MICAL2: variants seen among roughly 807,000 people sequenced by gnomAD.
MICAL2 encodes the protein microtubule associated monooxygenase, calponin and LIM domain containing 2, also known as [F-actin]-monooxygenase MICAL2.
A neutral mutation model predicts 127.3 loss-of-function variants in MICAL2; 77 were observed. That is an observed-to-expected ratio of 0.60 (90% CI 0.50 to 0.73). MICAL2 has a LOEUF of 0.73. Among genes scored for constraint, MICAL2 ranks in the 30% least tolerant of loss-of-function variants. The pLI is 0.00. For missense variants in MICAL2, 1,351 were observed against 1,434.4 expected, an observed-to-expected ratio of 0.94 and a Z score of 0.94; for synonymous variants, 570 against 551.1, an observed-to-expected ratio of 1.03 and a Z score of -0.48.
chr11:12,227,735 G>A lies in MICAL2; in HGVS notation c.1995+604G>A, dbSNP rs563956966. Among the ~76,000 whole-genome samples, 11 of 152,238 alleles carry A rather than the reference G, an allele frequency of 7.2e-5. No individual in the cohort carries two copies. The South Asian group carries it at 2.1e-3, about 29-fold the overall frequency. ...TTTCTCAACTTATAGCACCCTTAAT[G>A]TCTCTGTAATTTTTTTCATGGTGGG... On this transcript the variant is annotated intron_variant, in intron 15 of 27. Transcript: ENST00000683283.
chr11:12,230,382 C>T (rs1858079006), intron 15 of MICAL2, among the ~76,000 whole-genome samples: 1 of 152,170 alleles, frequency 6.6e-6, no homozygotes, highest in Non-Finnish European at 1.5e-5. Context: ...ATCAGTACAA[C>T]AAAACACGCA....
chr11:12,162,995 G>A (rs1590135716), intron 3 of MICAL2, among the ~76,000 whole-genome samples: 1 of 152,126 alleles, frequency 6.6e-6, no homozygotes, highest in East Asian at 1.9e-4. Context: ...CTAAGAAATA[G>A]GTCTAGGTCC....
Position 12,111,867 on chromosome 11 carries a change from G to T in MICAL2, c.-149+1141G>T, listed in dbSNP as rs116464282. On this transcript the variant is annotated intron_variant, in intron 1 of 27. Coordinates refer to ENST00000683283, the MANE Select transcript of MICAL2 (RefSeq NM_001282663.2). The stretch of plus-strand genomic sequence containing the variant: ...CTGCTCCCCCTCCCCAGTGGCAGTC[G>T]ACCCAACAAGTGGGCCTCCGGTCTC... Among the ~76,000 whole-genome samples, 738 of 152,274 alleles carry T rather than the reference G, an allele frequency of 4.8e-3. 10 individuals carry two copies. Among genetic ancestry groups the T allele is most frequent in the African/African-American group, 0.017 (695 of 41,560 alleles).
At chr11:12,337,689 T>C (rs941651093) in intron 32 of MICAL2, among the ~76,000 whole-genome samples, 1 of 152,070 alleles carries the variant, frequency 6.6e-6, no homozygotes, top group Non-Finnish European at 1.5e-5. Flanking sequence ...ACATCTTTAT[T>C]TCTGCCTTCA....
chr11:12,246,508 G>T (rs1860763042), intron 21 of MICAL2, among the ~76,000 whole-genome samples: 1 of 152,186 alleles, frequency 6.6e-6, no homozygotes, highest in Non-Finnish European at 1.5e-5. Context: ...AGTCCTCCTG[G>T]GTCAGAAGAG....
At chr11:12,293,891 C>A (rs781043894), downstream of MICAL2, 3 of 1,610,306 alleles carry the variant, frequency 1.9e-6, no homozygotes, top group Non-Finnish European at 8.5e-7. Flanking sequence ...TGGAGAAGAC[C>A]GGGAAAAAGG....
At chr11:12,282,938 G>A (rs769022401) in intron 2 of MICAL2, among the ~76,000 whole-genome samples, 9 of 152,208 alleles carry the variant, frequency 5.9e-5, no homozygotes, top group Admixed American at 1.3e-4. Context: ...ATGGGGTTGT[G>A]TTGGGAGACT....
intron 2 of MICAL2, among the ~76,000 whole-genome samples, chr11:12,140,052 C>A (rs1457982699): frequency 6.6e-6 from 1 of 152,138 alleles, no homozygotes; most frequent in Non-Finnish European, 1.5e-5. Flanking sequence ...GGACTGACTG[C>A]CAGTTTCATC....
intron 1 of MICAL2, among the ~76,000 whole-genome samples, chr11:12,118,858 T>TTTG (rs1257005137): frequency 2.0e-5 from 3 of 152,106 alleles, no homozygotes; most frequent in African/African-American, 4.8e-5. Context: ...TGTCAGGGTT[T>TTTG]TTGTTGTTGT....
At chr11:12,216,150 A>G in intron 7 of MICAL2, 69 bp from the exon 8 acceptor site, 1 of 1,192,618 alleles carries the variant, frequency 8.4e-7, no homozygotes, top group Non-Finnish European at 1.3e-6. Context: ...AGTGAGGCAA[A>G]GTACAGTTCC....
At chr11:12,219,528 C>CAAA (rs11316414) in intron 8 of MICAL2, among the ~76,000 whole-genome samples, 10 of 48,604 alleles carry the variant, frequency 2.1e-4, no homozygotes, top group Admixed American at 5.9e-4. Flanking sequence ...AACTCCATCT[C>CAAA]AAAAAAAAAA....
intron 1 of MICAL2, among the ~76,000 whole-genome samples, chr11:12,119,596 C>T (rs777108212): frequency 6.6e-6 from 1 of 152,338 alleles, no homozygotes; most frequent in East Asian, 1.9e-4. Flanking sequence ...ACCTTTCCCC[C>T]ACTTCTGCCC....
intron 32 of MICAL2, among the ~76,000 whole-genome samples, chr11:12,345,127 A>G (rs1472285280): frequency 6.6e-6 from 1 of 151,448 alleles, no homozygotes; most frequent in Non-Finnish European, 1.5e-5. Context: ...AAAAAAAAAA[A>G]GAAAAAAGAA....
At chr11:12,194,397 G>A (rs879689222) in intron 3 of MICAL2, among the ~76,000 whole-genome samples, 14 of 152,180 alleles carry the variant, frequency 9.2e-5, no homozygotes, top group African/African-American at 3.1e-4. Flanking sequence ...TATTATTATT[G>A]CAGTGCGGGG....
chr11:12,349,117 G>C (rs898784240), intron 32 of MICAL2, among the ~76,000 whole-genome samples: 2 of 152,144 alleles, frequency 1.3e-5, no homozygotes, highest in Non-Finnish European at 2.9e-5. Context: ...CTTTCAGGGT[G>C]AAATATTCGA....
intron 6 of MICAL2, among the ~76,000 whole-genome samples, chr11:12,212,964 C>T (rs1423141644): frequency 6.6e-6 from 1 of 152,222 alleles, no homozygotes; most frequent in Non-Finnish European, 1.5e-5. Flanking sequence ...CAATGCCTGA[C>T]ACATCCTTAC....
intron 3 of MICAL2, among the ~76,000 whole-genome samples, chr11:12,181,848 A>G (rs1416154862): frequency 1.3e-5 from 2 of 152,236 alleles, no homozygotes; most frequent in Non-Finnish European, 2.9e-5. Context: ...CGGATTTTTA[A>G]TTTCCTGGGG....
chr11:12,284,738 G>A (rs1364436887), intron 2 of MICAL2, among the ~76,000 whole-genome samples: 1 of 152,202 alleles, frequency 6.6e-6, no homozygotes, highest in Non-Finnish European at 1.5e-5. Context: ...AGCCCAGGCA[G>A]CCAGCAATTG....
intron 14 of MICAL2, among the ~76,000 whole-genome samples, chr11:12,226,651 G>GGTTTTTTT (rs397978478): frequency 7.9e-6 from 1 of 126,370 alleles, no homozygotes; most frequent in Non-Finnish European, 1.6e-5. Context: ...TTTGTTTTTG[G>GGTTTTTTT]TTTTTTTTTT....
Sources: gnomAD v4.1 joint callset for allele counts (sites outside exome capture counted in the v4.1 genomes callset) on GRCh38, gnomAD v4.1.1 for gene constraint, MANE v1.5 for transcripts, NCBI Gene and HGNC (gene_info 2026-07-23, HGNC 2026-07-21) for gene names.